ESRRG: variants seen among roughly 807,000 people sequenced by gnomAD.
ESRRG encodes estrogen related receptor gamma, also known as estrogen-related receptor gamma.
ESRRG carries 13 observed loss-of-function variants against 44.0 expected under a neutral mutation model. The observed-to-expected ratio is 0.30, with a 90% CI of 0.19 to 0.47. The LOEUF is 0.47. Ranked by LOEUF, ESRRG falls within the 20% of genes least tolerant of loss-of-function variation. ESRRG has a pLI of 1.00. For synonymous variants in ESRRG, 215 were observed against 214.6 expected, an observed-to-expected ratio of 1.00 and a Z score of -0.02; for missense variants, 395 against 580.6, an observed-to-expected ratio of 0.68 and a Z score of 3.29.
intron 1 of ESRRG, among the ~76,000 whole-genome samples, chr1:217,117,927 T>C (rs959175192): frequency 6.6e-6 from 1 of 152,170 alleles, no homozygotes; most frequent in Non-Finnish European, 1.5e-5. Context: ...AAGTTCAAAA[T>C]TCTTTACATT....
At chr1:216,521,922 T>C (rs1158101281) in intron 5 of ESRRG, among the ~76,000 whole-genome samples, 1 of 152,080 alleles carries the variant, frequency 6.6e-6, no homozygotes, top group African/African-American at 2.4e-5. Context: ...TCAATGTGAA[T>C]TTAGTGCTGA....
At chr1:216,703,813 G>T (rs1242023852) in intron 1 of ESRRG, among the ~76,000 whole-genome samples, 1 of 151,780 alleles carries the variant, frequency 6.6e-6, no homozygotes, top group Non-Finnish European at 1.5e-5. Flanking sequence ...AAGAATGGGT[G>T]AATGGGGGAT....
At chr1:216,677,850 A>G (rs1214351378) in intron 1 of ESRRG, among the ~76,000 whole-genome samples, 1 of 152,188 alleles carries the variant, frequency 6.6e-6, no homozygotes, top group Non-Finnish European at 1.5e-5. Flanking sequence ...TCAATATCTA[A>G]CTCAACTCTA....
At chr1:216,778,397 C>T (rs2093691757) in intron 2 of ESRRG, among the ~76,000 whole-genome samples, 1 of 151,898 alleles carries the variant, frequency 6.6e-6, no homozygotes, top group African/African-American at 2.4e-5. Flanking sequence ...CAACTGTGAA[C>T]CATCACTTTT....
intron 1 of ESRRG, among the ~76,000 whole-genome samples, chr1:217,081,221 C>CCTTTTTT (rs750003890): frequency 5.7e-4 from 40 of 70,420 alleles, no homozygotes; most frequent in African/African-American, 2.3e-3. Context: ...TAAAAATATT[C>CCTTTTTT]TTTTTTTTTT....
At chr1:217,117,145 T>A (rs2092740659) in intron 1 of ESRRG, among the ~76,000 whole-genome samples, 1 of 152,220 alleles carries the variant, frequency 6.6e-6, no homozygotes, top group Non-Finnish European at 1.5e-5. Context: ...AAATCCTGAA[T>A]TGCATACTAA....
At chr1:217,017,169 T>G (rs1041869442) in intron 1 of ESRRG, among the ~76,000 whole-genome samples, 1 of 152,144 alleles carries the variant, frequency 6.6e-6, no homozygotes, top group African/African-American at 2.4e-5. Context: ...AATGACCAGT[T>G]GTACAGCTGT....
intron 2 of ESRRG, chr1:216,863,729 C>T (rs1426609606): frequency 6.6e-6 from 1 of 152,090 alleles, no homozygotes; most frequent in Non-Finnish European, 1.5e-5. Context: ...ATTCCCTCTG[C>T]AACACTTTTT....
chr1:216,768,759 G>A (rs2093236822), intron 2 of ESRRG, among the ~76,000 whole-genome samples: 1 of 152,026 alleles, frequency 6.6e-6, no homozygotes, highest in African/African-American at 2.4e-5. Flanking sequence ...CCAAAGTGCT[G>A]GGATTACAGG....
At chr1:216,898,205 C>G (rs1263111251) in intron 2 of ESRRG, among the ~76,000 whole-genome samples, 1 of 152,126 alleles carries the variant, frequency 6.6e-6, no homozygotes, top group Non-Finnish European at 1.5e-5. Flanking sequence ...ATGAATTTCT[C>G]CACTCAATTT....
At chr1:216,857,766 A>T (rs1397320191) in intron 2 of ESRRG, among the ~76,000 whole-genome samples, 2 of 151,710 alleles carry the variant, frequency 1.3e-5, no homozygotes, top group Non-Finnish European at 1.5e-5. Context: ...CAATATAAGG[A>T]TTCATTCACC....
chr1:216,933,752 G>T (rs2063703280), intron 2 of ESRRG, among the ~76,000 whole-genome samples: 1 of 152,148 alleles, frequency 6.6e-6, no homozygotes, highest in Non-Finnish European at 1.5e-5. Flanking sequence ...AAAATTCCTA[G>T]AAATTTAACA....
At chr1:216,648,921 C>T (rs1055827080) in intron 3 of ESRRG, among the ~76,000 whole-genome samples, 2 of 152,052 alleles carry the variant, frequency 1.3e-5, no homozygotes, top group South Asian at 4.1e-4. Flanking sequence ...AACTAAGTGG[C>T]AACATAAATA....
chr1:216,598,331 G>A (rs900261670), intron 3 of ESRRG, among the ~76,000 whole-genome samples: 4 of 152,192 alleles, frequency 2.6e-5, no homozygotes, highest in Non-Finnish European at 5.9e-5. Flanking sequence ...GACTGTGGCT[G>A]CTACATGTAT....
intron 4 of ESRRG, among the ~76,000 whole-genome samples, chr1:216,567,409 C>A (rs1484692729): frequency 6.6e-6 from 1 of 152,128 alleles, no homozygotes; most frequent in Non-Finnish European, 1.5e-5. Flanking sequence ...ACAATTCATA[C>A]CGTCCATAAG....
chr1:216,821,591 G>A (rs565737488), intron 2 of ESRRG, among the ~76,000 whole-genome samples: 1 of 151,056 alleles, frequency 6.6e-6, no homozygotes, highest in East Asian at 2.0e-4. Flanking sequence ...AGGCTGAGGT[G>A]AGAGGACGGC....
intron 2 of ESRRG, among the ~76,000 whole-genome samples, chr1:216,814,552 C>T (rs1253824891): frequency 6.6e-6 from 1 of 152,136 alleles, no homozygotes; most frequent in Non-Finnish European, 1.5e-5. Context: ...ATTTTCTATG[C>T]TTTTAAATCC....
intron 1 of ESRRG, among the ~76,000 whole-genome samples, chr1:217,072,256 A>G (rs1445452778): frequency 6.6e-6 from 1 of 152,190 alleles, no homozygotes; most frequent in Non-Finnish European, 1.5e-5. Context: ...ATTATTATAT[A>G]TTGATCACTC....
rs2092860163 is a variant in ESRRG, at chr1:217,124,153, A to G, written c.-230+13514T>C. Among the ~76,000 whole-genome samples, 4 of 152,286 alleles carry G rather than the reference A, an allele frequency of 2.6e-5. No individual in the cohort carries two copies. The South Asian group carries it at 8.3e-4, about 32-fold the overall frequency. ...TAAGCTCCCTGAAGGCAGCAATTGC[A>G]TTTAACTCCTCTTTGTTCAAAGTGA... On this transcript the variant is annotated intron_variant, in intron 1 of 8. Transcript: ENST00000366940.
Sources: gnomAD v4.1 joint callset for allele counts (sites outside exome capture counted in the v4.1 genomes callset) on GRCh38, gnomAD v4.1.1 for gene constraint, MANE v1.5 for transcripts, NCBI Gene and HGNC (gene_info 2026-07-23, HGNC 2026-07-21) for gene names.